RSKR: variants seen among roughly 807,000 people sequenced by gnomAD.
RSKR encodes ribosomal protein S6 kinase related, also known as ribosomal protein S6 kinase-related protein.
A neutral mutation model predicts 56.8 loss-of-function variants in RSKR; 44 were observed. The observed-to-expected ratio is 0.77, with a 90% confidence interval of 0.61 to 1.00. RSKR has a LOEUF of 1.00. RSKR is among the 50% of genes least tolerant of loss of function. RSKR has a pLI of 0.00. For missense variants in RSKR, 510 were observed against 506.9 expected, an observed-to-expected ratio of 1.01 and a Z score of -0.06; for synonymous variants, 181 against 188.0, an observed-to-expected ratio of 0.96 and a Z score of 0.30.
intron 6 of RSKR, 38 bp from the exon 7 acceptor site, chr17:28,612,122 TG>T: frequency 6.2e-7 from 1 of 1,612,024 alleles, no homozygotes; most frequent in Non-Finnish European, 8.5e-7. Flanking sequence ...GCAGCTTTTC[TG>T]TCCTTTCCAG....
At chr17:28,613,401 C>T (rs1251413890) in intron 2 of RSKR, 39 bp downstream of exon 2, 1 of 1,614,004 alleles carries the variant, frequency 6.2e-7, no homozygotes, top group African/African-American at 1.3e-5. Flanking sequence ...TAACTTCTCC[C>T]AAAGACTGAG....
chr17:28,609,407 T>C lies in RSKR; in HGVS notation c.*1071A>G, dbSNP rs554742493. ...GGAGAAATTGTCAGTTTAAAAATCC[T>C]ATGCTTTTCAAAGAGGTTTTATTTT... is the stretch of plus-strand genomic sequence containing the variant. On this transcript the variant is annotated 3_prime_UTR_variant, in exon 12 of 12. Coordinates refer to ENST00000301037, the MANE Select transcript of RSKR (RefSeq NM_001174103.2). 1.4e-4 allele frequency: 22 copies of C among 152,286 alleles called. No homozygotes were observed. Among genetic ancestry groups the C allele is most frequent in the Admixed American group, 4.6e-4 (7 of 15,290 alleles). The allele number at this position is 152,286 out of a possible 1,614,324, so 9.4% of individuals were successfully genotyped here.
In RSKR at chr17:28,614,090, G is replaced by A. The variant is rs760667531; in HGVS notation, c.72C>T (p.His24=). The A allele has an allele frequency of 6.2e-7, 1 of 1,613,194 alleles. No homozygotes were observed. Among genetic ancestry groups the A allele is most frequent in the Admixed American group, 1.7e-5 (1 of 60,000 alleles). ...QGEHTRVAVP[H]KQGGNIRGPW... The stretch of plus-strand genomic sequence containing the variant: ...CTGCCAGAGCCCCACAGCCTACCTT[G>A]TGAGGGACAGCCACCCGGGTGTGTT... The change falls in exon 1 of 12, where the codon CAC becomes CAT. Residue 24 remains histidine, a synonymous_variant. Transcript: ENST00000301037.
rs776128299 is a variant in RSKR at position 28,614,168 on chromosome 17, C to T, written c.-7G>A. The T allele has an allele frequency of 2.4e-5, 39 of 1,612,996 alleles. No individual in the cohort carries two copies. Among genetic ancestry groups the T allele is most frequent in the Admixed American group, 5.0e-5 (3 of 59,998 alleles). On this transcript the variant is annotated 5_prime_UTR_variant, in exon 1 of 12. Coordinates refer to ENST00000301037, the MANE Select transcript of RSKR (RefSeq NM_001174103.2). ...GACAGCTTACTGCTCCCATTCCCAG[C>T]CTCTGCCTCCTCTCTCTGCTAAATC...
intron 5 of RSKR, 77 bp from the exon 6 acceptor site, chr17:28,612,443 G>C: frequency 6.8e-7 from 1 of 1,476,618 alleles, no homozygotes; most frequent in East Asian, 2.3e-5. Context: ...CTGGGCTCAA[G>C]GCATTGTAGG....
chr17:28,610,746 G>A lies in RSKR; in HGVS notation c.1012-47C>T, dbSNP rs956727483. The stretch of plus-strand genomic sequence containing the variant: ...AGGATGAGTGACTAGGACAGGACAG[G>A]CCTGAACAGAAAGGATGGAAAAGAA... On this transcript the variant is annotated intron_variant, in intron 11 of 11. Transcript: ENST00000301037. 5.3e-6 allele frequency: 8 copies of A among 1,496,730 alleles called. No individual in the cohort carries two copies. In the African/African-American group the frequency reaches 1.1e-4, roughly 21 times the overall value. The allele number at this position is 1,496,730 out of a possible 1,614,324, so 92.7% of individuals were successfully genotyped here.
At chr17:28,613,814 A>G in intron 1 of RSKR, 126 bp from the exon 2 acceptor site, 1 of 1,345,472 alleles carries the variant, frequency 7.4e-7, no homozygotes, top group Non-Finnish European at 1.0e-6. Context: ...CATGAGGCAA[A>G]ATTCCCATTA....
At position 28,611,660 on chromosome 17, in the gene RSKR, TGAAA is replaced by T; in HGVS notation, c.722-8_722-5del. The stretch of plus-strand genomic sequence containing the variant: ...AAGTCTGTCAGTTTCAGATGGCCTA[TGAAA>T]GAAGGTAAGGCAACTGCACCACTGT... On this transcript the variant is annotated splice_polypyrimidine_tract_variant and splice_region_variant and intron_variant, in intron 8 of 11. Transcript: ENST00000301037. 6.3e-7 allele frequency: 1 copy of T among 1,598,600 alleles called. No homozygotes were observed. Among genetic ancestry groups the T allele is most frequent in the Non-Finnish European group, 8.5e-7 (1 of 1,173,038 alleles).
chr17:28,612,536 C>G, intron 5 of RSKR, 82 bp downstream of exon 5: 1 of 1,499,910 alleles, frequency 6.7e-7, no homozygotes, highest in Non-Finnish European at 9.2e-7. Context: ...AGAGCAAAGG[C>G]AGAACAAGCC....
chr17:28,613,658 G>A lies in RSKR; in HGVS notation c.106C>T (p.Arg36Ter), dbSNP rs143795655. The A allele has an allele frequency of 1.7e-4, 270 of 1,613,892 alleles. 1 individual carries two copies. The highest frequency in any genetic ancestry group is 4.6e-5 in the Non-Finnish European group (54 of 1,180,008). The change falls in exon 2 of 12, where the codon CGA becomes TGA. Residue 36 changes from arginine (R) to a stop codon, truncating the protein, a stop_gained. Coordinates refer to ENST00000301037, the MANE Select transcript of RSKR (RefSeq NM_001174103.2). LOFTEE classifies it high-confidence loss of function. ...CCTGTCCAGAGGCTCTTCCAGCCTCGGGCCCAGGGACCCCGGATGTTGCCA... is the reference window on the plus strand; with the variant it reads ...CCTGTCCAGAGGCTCTTCCAGCCTCAGGCCCAGGGACCCCGGATGTTGCCA... The part of the protein sequence containing the change: ...QGGNIRGPWA[R>*]GWKSLWTGLG...
At position 28,611,930 on chromosome 17, in the gene RSKR, G is replaced by A. The variant is rs929768282; in HGVS notation, c.693+114C>T. 6 of 1,611,712 alleles carry A rather than the reference G, an allele frequency of 3.7e-6. No homozygotes were observed. The African/African-American group carries it at 8.0e-5, about 22-fold the overall frequency. ...CAGAGAGCCCTTCCCCAAATCCTTGGCACCCATGGGGGCCCCAATGTCTAC... is the reference window on the plus strand; with the variant it reads ...CAGAGAGCCCTTCCCCAAATCCTTGACACCCATGGGGGCCCCAATGTCTAC... On this transcript the variant is annotated intron_variant, in intron 7 of 11. Transcript: ENST00000301037.
intron 4 of RSKR, 25 bp downstream of exon 4, chr17:28,613,053 A>G (rs370037559): frequency 5.9e-5 from 96 of 1,613,488 alleles, no homozygotes; most frequent in South Asian, 3.3e-4. Flanking sequence ...TCTTCCCACA[A>G]TCCTTTCCAG....
In RSKR at chr17:28,612,245, A is replaced by T. The variant is rs988421623; in HGVS notation, c.652+17T>A. ...TAAATCTTCCCTCCCCATTTCCTTT[A>T]CCACTGTTTCACTTACACAGTACCA... is the stretch of plus-strand genomic sequence containing the variant. On this transcript the variant is annotated intron_variant, in intron 6 of 11. Transcript: ENST00000301037. 13 of 1,611,888 alleles carry T rather than the reference A, an allele frequency of 8.1e-6. No individual in the cohort carries two copies. In the African/African-American group the frequency reaches 1.7e-4, roughly 22 times the overall value.
rs190019314 is a variant in RSKR, at chr17:28,610,632, C to T, written c.1079G>A (p.Arg360Gln). 118 of 1,535,942 alleles carry T rather than the reference C, an allele frequency of 7.7e-5. No individual in the cohort carries two copies. The South Asian group carries it at 8.4e-4, about 11-fold the overall frequency. ...GAGCTCTGGGTCGAAGGCCACACCC[C>T]GAAAGAAAGGGTGGACCTGGAAGTG... ...LHHFQVHPFF[R>Q]GVAFDPELLQ... The change falls in exon 12 of 12, where the codon CGG (arginine) becomes CAG (glutamine). Residue 360 changes from arginine (R) to glutamine (Q), a missense_variant. Physicochemically the swap from Arg to Gln is conservative, Grantham distance 43. Transcript: ENST00000301037.
rs777563733 is a variant in RSKR, at chr17:28,613,667, G to A, written c.97C>T (p.Pro33Ser). ...AGGCTCTTCCAGCCTCGGGCCCAGG[G>A]ACCCCGGATGTTGCCACCCTGCTGA... ...PHKQGGNIRG[P>S]WARGWKSLWT... Residue 33 changes from proline to serine, a missense_variant, in exon 2 of 12, where the codon CCC becomes TCC. Physicochemically the swap from Pro to Ser is moderately conservative, Grantham distance 74. Transcript: ENST00000301037. 31 of 1,613,866 alleles carry A rather than the reference G, an allele frequency of 1.9e-5. No individual in the cohort carries two copies. Among genetic ancestry groups the A allele is most frequent in the South Asian group, 9.9e-5 (9 of 91,056 alleles).
Position 28,610,098 on chromosome 17 carries a change from C to G in RSKR, c.*380G>C, listed in dbSNP as rs1183269707. Reference sequence around the variant, plus strand: ...TATTGCTTCTGACAAGCCTATTAAACACATCAATAGCACCCTGGGAGCCCA... The same window carrying G: ...TATTGCTTCTGACAAGCCTATTAAAGACATCAATAGCACCCTGGGAGCCCA... On this transcript the variant is annotated 3_prime_UTR_variant, in exon 12 of 12. Transcript: ENST00000301037. 1.1e-5 allele frequency: 2 copies of G among 182,326 alleles called. No homozygotes were observed. The highest frequency in any genetic ancestry group is 1.4e-4 in the East Asian group (1 of 7,326). The allele number at this position is 182,326 out of a possible 1,614,324, so 11.3% of individuals were successfully genotyped here.
rs749579881 is a variant in RSKR, at chr17:28,613,188, G to C, written c.409-42C>G. On this transcript the variant is annotated intron_variant, in intron 3 of 11. Coordinates refer to ENST00000301037, the MANE Select transcript of RSKR (RefSeq NM_001174103.2). ...GTGATGACTCATAGATAGTGCTATT[G>C]AATTGTTTATTCCTCCCAACCTCTC... 11 of 1,612,890 alleles carry C rather than the reference G, an allele frequency of 6.8e-6. No individual in the cohort carries two copies. In the Admixed American group the frequency reaches 1.0e-4, roughly 15 times the overall value.
At position 28,611,118 on chromosome 17, in the gene RSKR, G is replaced by C. The variant is rs1342991892; in HGVS notation, c.1011+25C>G. 2.7e-6 allele frequency: 4 copies of C among 1,505,988 alleles called. No homozygotes were observed. The African/African-American group carries it at 5.5e-5, about 21-fold the overall frequency. 93.3% of individuals were successfully genotyped at this position (1,505,988 alleles called of 1,614,324 possible). On this transcript the variant is annotated intron_variant, in intron 11 of 11. Transcript: ENST00000301037. ...AGAGCATTAATGGTTTCGTAGCCAA[G>C]AAGGAAAGCAGTGCTCATCCTTACC...
chr17:28,612,106 T>C, intron 6 of RSKR, 22 bp from the exon 7 acceptor site: 1 of 1,613,808 alleles, frequency 6.2e-7, no homozygotes, highest in Non-Finnish European at 8.5e-7. Context: ...AAGTATGGGG[T>C]ATGCTGCAGC....
Sources: allele counts gnomAD v4.1 joint callset, GRCh38; gene constraint gnomAD v4.1.1; transcripts MANE v1.5; gene names NCBI Gene and HGNC (gene_info 2026-07-23, HGNC 2026-07-21).